The following TNPO1 variants were observed in gnomAD, a reference collection of about 807,000 sequenced individuals.
TNPO1 encodes transportin-1.
TNPO1 carries 8 observed loss-of-function variants against 119.5 expected under a neutral mutation model. That is an observed-to-expected ratio of 0.07 (90% CI 0.04 to 0.12). The LOEUF is 0.12. Among genes scored for constraint, TNPO1 ranks in the 10% least tolerant of loss-of-function variants. TNPO1 has a pLI of 1.00. For missense variants in TNPO1, 576 were observed against 1,089.8 expected, an observed-to-expected ratio of 0.53 and a Z score of 6.64; for synonymous variants, 362 against 363.0, an observed-to-expected ratio of 1.00 and a Z score of 0.03.
chr5:72,897,059 T>C lies in TNPO1; in HGVS notation c.2246T>C (p.Ile749Thr), dbSNP rs764404089. ...AIGEISIQMG[I>T]EMQPYIPMVL... ...TTCTTTTTGGGATGATCTCTAGGTA[T>C]AGAGATGCAGCCTTATATTCCTATG... Residue 749 changes from isoleucine to threonine, a missense_variant, in exon 20 of 25, where the codon ATA (isoleucine) becomes ACA (threonine). Coordinates refer to ENST00000337273, the MANE Select transcript of TNPO1 (RefSeq NM_002270.4). 130 of 1,589,494 alleles carry C rather than the reference T, an allele frequency of 8.2e-5. No homozygotes were observed. The highest frequency in any genetic ancestry group is 1.1e-4 in the Non-Finnish European group (127 of 1,171,904).
intron 22 of TNPO1, among the ~76,000 whole-genome samples, chr5:72,901,757 C>T (rs1450517219): frequency 6.6e-6 from 1 of 152,134 alleles, no homozygotes; most frequent in Non-Finnish European, 1.5e-5. Flanking sequence ...CTTCAGCAGA[C>T]ACGTTTAAGG....
rs149132348 is a variant in TNPO1 at position 72,874,008 on chromosome 5, T to C, written c.678+1288T>C. Among the ~76,000 whole-genome samples, 29 of 152,238 alleles carry C rather than the reference T, an allele frequency of 1.9e-4. 1 individual carries two copies. The East Asian group carries it at 5.6e-3, about 29-fold the overall frequency. ...CAATGATAGACATACCAGCACCTTA[T>C]AAGGAAATATAATCTAAAATAAATG... is the stretch of plus-strand genomic sequence containing the variant. On this transcript the variant is annotated intron_variant, in intron 7 of 24. Coordinates refer to ENST00000337273, the MANE Select transcript of TNPO1 (RefSeq NM_002270.4).
At chr5:72,862,051 G>A in intron 5 of TNPO1, 137 bp downstream of exon 5, 1 of 585,886 alleles carries the variant, frequency 1.7e-6, no homozygotes, top group Non-Finnish European at 3.0e-6. Context: ...TTACCTTTGT[G>A]TTATATTACA....
At chr5:72,818,439 T>G (rs1041344414) in intron 1 of TNPO1, among the ~76,000 whole-genome samples, 1 of 152,236 alleles carries the variant, frequency 6.6e-6, no homozygotes, top group Non-Finnish European at 1.5e-5. Context: ...GAACTCAGTT[T>G]TTCTAAATGT....
chr5:72,890,042 T>A (rs1466922086), intron 14 of TNPO1, 85 bp downstream of exon 14: 3 of 1,480,168 alleles, frequency 2.0e-6, no homozygotes, highest in African/African-American at 1.4e-5. Context: ...GAAATTAAGA[T>A]GTTTTGGGAG....
intron 21 of TNPO1, 147 bp from the exon 22 acceptor site, chr5:72,900,827 G>C (rs1306743394): frequency 1.5e-5 from 7 of 452,906 alleles, no homozygotes; most frequent in Non-Finnish European, 2.7e-5. Flanking sequence ...GGAAGTATGA[G>C]TAAACGAAAC....
At chr5:72,902,337 T>A (rs114657560) in intron 22 of TNPO1, among the ~76,000 whole-genome samples, 1 of 152,190 alleles carries the variant, frequency 6.6e-6, no homozygotes, top group Non-Finnish European at 1.5e-5. Flanking sequence ...TTCTGTTTTA[T>A]AAAATTCAAA....
intron 8 of TNPO1, among the ~76,000 whole-genome samples, chr5:72,876,233 C>G (rs953533611): frequency 6.6e-6 from 1 of 152,178 alleles, no homozygotes; most frequent in African/African-American, 2.4e-5. Flanking sequence ...CCACAATACT[C>G]AGTAGCAAAA....
chr5:72,851,242 A>G lies in TNPO1; in HGVS notation c.130-2A>G, dbSNP rs1745526338. 1.9e-6 allele frequency: 3 copies of G among 1,581,366 alleles called. No homozygotes were observed. The highest frequency in any genetic ancestry group is 1.4e-5 in the African/African-American group (1 of 73,944). On this transcript the variant is annotated splice_acceptor_variant, in intron 2 of 24. Transcript: ENST00000337273. LOFTEE classifies it high-confidence loss of function. ...AGTTTCCTTAACTACTGTTTGTTCTAGAAACTGGAACAACTTAATCAGTAT... is the reference window on the plus strand; with the variant it reads ...AGTTTCCTTAACTACTGTTTGTTCTGGAAACTGGAACAACTTAATCAGTAT...
rs1051033756 is a variant in TNPO1, at chr5:72,892,264, T to G, written c.1788+368T>G. Among the ~76,000 whole-genome samples, 4 of 152,162 alleles carry G rather than the reference T, an allele frequency of 2.6e-5. No individual in the cohort carries two copies. The South Asian group carries it at 8.3e-4, about 32-fold the overall frequency. The stretch of plus-strand genomic sequence containing the variant: ...ACTTATTTTCAAATTTGAAAATGTT[T>G]CCATGTGTACTTAACTACTTTTTTT... On this transcript the variant is annotated intron_variant, in intron 15 of 24. Coordinates refer to ENST00000337273, the MANE Select transcript of TNPO1 (RefSeq NM_002270.4).
intron 7 of TNPO1, among the ~76,000 whole-genome samples, chr5:72,873,136 G>A (rs1318693587): frequency 1.3e-5 from 2 of 152,064 alleles, no homozygotes; most frequent in Non-Finnish European, 2.9e-5. Flanking sequence ...TACAAGGACA[G>A]TATTTTCCAT....
chr5:72,835,866 A>G (rs1744674335), intron 1 of TNPO1, among the ~76,000 whole-genome samples: 1 of 152,224 alleles, frequency 6.6e-6, no homozygotes, highest in Non-Finnish European at 1.5e-5. Flanking sequence ...CTTGAGGCAA[A>G]TTGCTCTCCA....
rs138898330 is a variant in TNPO1, at chr5:72,893,068, G to A, written c.1789-71G>A. On this transcript the variant is annotated intron_variant, in intron 15 of 24. Transcript: ENST00000337273. The stretch of plus-strand genomic sequence containing the variant: ...ATAAATGATCAGGATCCTGTTGAGC[G>A]CAGTTTCAAGCATTCATCATAATCT... The A allele has an allele frequency of 3.0e-4, 349 of 1,151,806 alleles. 2 individuals carry two copies. In the East Asian group the frequency reaches 6.1e-3, roughly 20 times the overall value. 71.3% of individuals were successfully genotyped at this position (1,151,806 alleles called of 1,614,324 possible). A position where few individuals can be genotyped will look rare whatever the true frequency, so the allele number is the denominator to read the frequency against.
intron 1 of TNPO1, among the ~76,000 whole-genome samples, chr5:72,845,047 TAAC>T (rs1745070467): frequency 6.7e-6 from 1 of 149,476 alleles, no homozygotes; most frequent in Admixed American, 6.7e-5. Context: ...GTTTTTCAAA[TAAC>T]TGTATTTTGG....
chr5:72,848,523 C>A (rs368136046), intron 2 of TNPO1, 25 bp downstream of exon 2: 9 of 1,476,136 alleles, frequency 6.1e-6, no homozygotes, highest in Non-Finnish European at 8.2e-6. Context: ...GCCTGGCCGC[C>A]ACCCGCGCAG....
At chr5:72,817,801 C>T (rs1743769196) in intron 1 of TNPO1, among the ~76,000 whole-genome samples, 1 of 152,244 alleles carries the variant, frequency 6.6e-6, no homozygotes, top group African/African-American at 2.4e-5. Flanking sequence ...TGACGTACTA[C>T]TCACTTTTAG....
intron 21 of TNPO1, chr5:72,900,724 C>A (rs941784295): frequency 4.4e-5 from 12 of 274,090 alleles, no homozygotes; most frequent in Admixed American, 1.6e-4. Context: ...ATGGGAGATT[C>A]AAATTAGTTA....
At chr5:72,901,904 C>T (rs1362830213) in intron 22 of TNPO1, among the ~76,000 whole-genome samples, 1 of 151,976 alleles carries the variant, frequency 6.6e-6, no homozygotes, top group African/African-American at 2.4e-5. Context: ...TGGTGAAACC[C>T]CATCTCTACT....
At chr5:72,862,037 A>T in intron 5 of TNPO1, 123 bp downstream of exon 5, 1 of 629,196 alleles carries the variant, frequency 1.6e-6, no homozygotes, top group Non-Finnish European at 2.8e-6. Flanking sequence ...TTAGAAACCT[A>T]AAGTTACCTT....
Sources: gnomAD v4.1 joint callset for allele counts (sites outside exome capture counted in the v4.1 genomes callset) on GRCh38, gnomAD v4.1.1 for gene constraint, MANE v1.5 for transcripts, NCBI Gene and HGNC (gene_info 2026-07-23, HGNC 2026-07-21) for gene names.